Variants in GLB1L2 observed in about 807,000 individuals in gnomAD.
GLB1L2 encodes the protein galactosidase beta 1 like 2.
GLB1L2 carries 68 observed loss-of-function variants against 84.1 expected under a neutral mutation model. That is an observed-to-expected ratio of 0.81 (90% confidence interval 0.67 to 0.99). GLB1L2 has a LOEUF of 0.99. Among genes scored for constraint, GLB1L2 ranks in the 50% least tolerant of loss-of-function variants. GLB1L2 has a pLI of 0.00. For missense variants in GLB1L2, 762 were observed against 805.6 expected, an observed-to-expected ratio of 0.95 and a Z score of 0.66; for synonymous variants, 290 against 318.0, an observed-to-expected ratio of 0.91 and a Z score of 0.94.
intron 7 of GLB1L2, among the ~76,000 whole-genome samples, chr11:134,362,471 G>T (rs1412006398): frequency 6.6e-6 from 1 of 152,238 alleles, no homozygotes; most frequent in Non-Finnish European, 1.5e-5. Flanking sequence ...GGAGCGCCGG[G>T]TGTGGGAGAG....
intron 17 of GLB1L2, 69 bp downstream of exon 17, chr11:134,374,325 G>C: frequency 7.8e-7 from 1 of 1,287,544 alleles, no homozygotes; most frequent in Non-Finnish European, 1.1e-6. Context: ...CTGAGCCAAA[G>C]CCACGAGCTT....
intron 5 of GLB1L2, among the ~76,000 whole-genome samples, chr11:134,348,987 G>GT (rs1014383570): frequency 2.0e-4 from 30 of 152,258 alleles, no homozygotes; most frequent in East Asian, 1.2e-3. Context: ...TCTGAATACC[G>GT]TCACAGTGGG....
chr11:134,332,377 C>T (rs1353511429), intron 1 of GLB1L2, among the ~76,000 whole-genome samples: 1 of 152,076 alleles, frequency 6.6e-6, no homozygotes. Context: ...CCTCGGGAGC[C>T]GGCGTCTGTG....
At chr11:134,360,872 T>C (rs1367788990) in intron 7 of GLB1L2, 2 of 152,178 alleles carry the variant, frequency 1.3e-5, no homozygotes, top group African/African-American at 2.4e-5. Context: ...GTTCTGCCTA[T>C]TGGCCGGGCA....
At chr11:134,350,656 G>A (rs1943614605) in intron 5 of GLB1L2, among the ~76,000 whole-genome samples, 1 of 152,178 alleles carries the variant, frequency 6.6e-6, no homozygotes, top group Admixed American at 6.5e-5. Context: ...TTAAAATTTC[G>A]TGTTCCAGCA....
intron 5 of GLB1L2, among the ~76,000 whole-genome samples, chr11:134,353,557 G>A (rs1324380698): frequency 6.6e-6 from 1 of 151,928 alleles, no homozygotes; most frequent in Admixed American, 6.6e-5. Context: ...GGTCCAACTG[G>A]TCCATAATAT....
Position 134,370,147 on chromosome 11 carries a change from C to T in GLB1L2, c.1109-146C>T. ...CAGGCCTGGCCTTCCTCCCTGGCCT[C>T]AGCAGGTGCTGAGAGCTAGCCTGTT... is the stretch of plus-strand genomic sequence containing the variant. On this transcript the variant is annotated intron_variant, in intron 11 of 18. Coordinates refer to ENST00000535456, the MANE Select transcript of GLB1L2 (RefSeq NM_001370461.1). This position sits in a 1 kb window ranked among gnomAD's most constrained non-coding sequence, Gnocchi z 4.7. 1 of 777,820 alleles carries T rather than the reference C, an allele frequency of 1.3e-6. No individual in the cohort carries two copies. The highest frequency in any genetic ancestry group is 2.2e-6 in the Non-Finnish European group (1 of 449,808). 48.2% of individuals were successfully genotyped at this position (777,820 alleles called of 1,614,324 possible).
chr11:134,356,234 G>C (rs563239256), intron 5 of GLB1L2, 67 bp from the exon 6 acceptor site: 1 of 1,203,050 alleles, frequency 8.3e-7, no homozygotes, highest in Admixed American at 1.7e-5. Flanking sequence ...GGTGATGGGC[G>C]TGGCAGGGTT....
chr11:134,372,585 G>A (rs1943971303), intron 15 of GLB1L2: 1 of 152,226 alleles, frequency 6.6e-6, no homozygotes, highest in Non-Finnish European at 1.5e-5. Context: ...CTAGCTAAAT[G>A]TGGGTGGTTT....
At chr11:134,369,945 C>T (rs942262321) in intron 11 of GLB1L2, 60 bp downstream of exon 11, 3 of 1,413,254 alleles carry the variant, frequency 2.1e-6, no homozygotes, top group African/African-American at 2.8e-5. Flanking sequence ...CTCTCAGACC[C>T]CTAAAGAGTT....
intron 1 of GLB1L2, among the ~76,000 whole-genome samples, chr11:134,340,560 G>T (rs557291379): frequency 6.6e-6 from 1 of 152,202 alleles, no homozygotes; most frequent in South Asian, 2.1e-4. Flanking sequence ...AAAGCAAAGC[G>T]CCTGGTGAGC....
In GLB1L2 at chr11:134,374,901, C is replaced by T. The variant is rs1944005625; in HGVS notation, c.1825-71C>T. 2.1e-5 allele frequency: 30 copies of T among 1,437,872 alleles called. No individual in the cohort carries two copies. In the South Asian group the frequency reaches 3.1e-4, roughly 15 times the overall value. The allele number at this position is 1,437,872 out of a possible 1,614,324, so 89.1% of individuals were successfully genotyped here. A position where few individuals can be genotyped will look rare whatever the true frequency, so the allele number is the denominator to read the frequency against. ...CCAAACCCTTTCCTTCTGACCCTGC[C>T]ACCTCTCAGCACCTCCCCTGGCTCC... On this transcript the variant is annotated intron_variant, in intron 18 of 18. Coordinates refer to ENST00000535456, the MANE Select transcript of GLB1L2 (RefSeq NM_001370461.1).
intron 6 of GLB1L2, among the ~76,000 whole-genome samples, chr11:134,357,574 C>T (rs1943721036): frequency 6.6e-6 from 1 of 152,256 alleles, no homozygotes; most frequent in African/African-American, 2.4e-5. Context: ...GGCCTCTCAG[C>T]GGTTGTTGAC....
At chr11:134,351,608 G>A (rs1943635378) in intron 5 of GLB1L2, among the ~76,000 whole-genome samples, 1 of 152,090 alleles carries the variant, frequency 6.6e-6, no homozygotes, top group South Asian at 2.1e-4. Flanking sequence ...GCCTCCCAAA[G>A]TGCTGGGATT....
intron 5 of GLB1L2, among the ~76,000 whole-genome samples, chr11:134,355,094 C>A (rs1310756788): frequency 6.6e-6 from 1 of 152,134 alleles, no homozygotes; most frequent in Non-Finnish European, 1.5e-5. Flanking sequence ...GCTTTTCTTT[C>A]TTCTACCTGT....
chr11:134,364,529 G>A (rs1008077433), intron 8 of GLB1L2, 131 bp downstream of exon 8: 19 of 722,860 alleles, frequency 2.6e-5, no homozygotes, highest in African/African-American at 1.6e-4. Flanking sequence ...CTGGCCCCCC[G>A]CCCATGCCAC....
chr11:134,361,603 G>A (rs1943791180), intron 7 of GLB1L2: 1 of 152,366 alleles, frequency 6.6e-6, no homozygotes, highest in African/African-American at 2.4e-5. Flanking sequence ...CAACTCCCCT[G>A]GTGCCGCTTT....
chr11:134,332,183 C>A (rs775981706), intron 1 of GLB1L2, 36 bp downstream of exon 1: 513 of 1,414,184 alleles, frequency 3.6e-4, no homozygotes, highest in Non-Finnish European at 4.6e-4. Context: ...TGCCGGACCC[C>A]ACATTCCCCA....
intron 2 of GLB1L2, 78 bp downstream of exon 2, chr11:134,343,029 G>C: frequency 6.8e-7 from 1 of 1,464,066 alleles, no homozygotes. Flanking sequence ...AAATATAAGA[G>C]GAACCGGCCC....
Sources: gnomAD v4.1 joint callset for allele counts (sites outside exome capture counted in the v4.1 genomes callset) on GRCh38, gnomAD v4.1.1 for gene constraint, Gnocchi (gnomAD v3.1) non-coding constraint, MANE v1.5 for transcripts, NCBI Gene and HGNC (gene_info 2026-07-23, HGNC 2026-07-21) for gene names.